Variants in ARHGAP26 observed in about 807,000 individuals in gnomAD.
The protein encoded by ARHGAP26 is rho GTPase-activating protein 26.
A neutral mutation model predicts 104.8 loss-of-function variants in ARHGAP26; 38 were observed. The ratio of observed to expected loss-of-function variants is 0.36; its 90% CI spans 0.28 to 0.48. The LOEUF is 0.48. Ranked by LOEUF, ARHGAP26 falls within the 20% of genes least tolerant of loss-of-function variation. The pLI is 0.99. For missense variants in ARHGAP26, 704 were observed against 947.9 expected, an observed-to-expected ratio of 0.74 and a Z score of 3.38; for synonymous variants, 341 against 340.0, an observed-to-expected ratio of 1.00 and a Z score of -0.03.
chr5:143,116,647 C>G (rs1374703685), intron 17 of ARHGAP26, among the ~76,000 whole-genome samples: 2 of 152,186 alleles, frequency 1.3e-5, no homozygotes, highest in Admixed American at 1.3e-4. Flanking sequence ...ATAATGCTCC[C>G]TCTGCCACCA....
chr5:142,898,197 T>C (rs1052207519), intron 6 of ARHGAP26, among the ~76,000 whole-genome samples: 5 of 151,632 alleles, frequency 3.3e-5, no homozygotes, highest in African/African-American at 7.3e-5. Context: ...CACACATATA[T>C]ACACACACAT....
At chr5:142,891,217 G>A (rs140810210) in intron 5 of ARHGAP26, among the ~76,000 whole-genome samples, 19 of 152,104 alleles carry the variant, frequency 1.2e-4, no homozygotes, top group Admixed American at 1.1e-3. Context: ...CACGATGCAG[G>A]GGGTGGTGGT....
Position 143,201,255 on chromosome 5 carries a change from C to G in ARHGAP26, c.1989-5943C>G, listed in dbSNP as rs116434891. Among the ~76,000 whole-genome samples the G allele has an allele frequency of 5.0e-3, 754 of 152,218 alleles. 3 individuals are homozygous for G. Among genetic ancestry groups the G allele is most frequent in the African/African-American group, 0.018 (727 of 41,542 alleles). On this transcript the variant is annotated intron_variant, in intron 20 of 22. Coordinates refer to ENST00000645722, the MANE Select transcript of ARHGAP26 (RefSeq NM_001135608.3). ...CCTAGATGTGGGGGCCTGGCAGGAC[C>G]CCAGGAATATTTAGGGGCACTGGGC...
intron 1 of ARHGAP26, among the ~76,000 whole-genome samples, chr5:142,832,938 A>G (rs1768787465): frequency 6.6e-6 from 1 of 152,106 alleles, no homozygotes; most frequent in Non-Finnish European, 1.5e-5. Flanking sequence ...ATTTTTTTTG[A>G]TTATAAAAGA....
Position 143,103,928 on chromosome 5 carries a change from T to TA in ARHGAP26, c.1539-17057dup, listed in dbSNP as rs1312779582. On this transcript the variant is annotated intron_variant, in intron 17 of 22. Transcript: ENST00000645722. The stretch of plus-strand genomic sequence containing the variant: ...CATTCTGCACGTGTATCCCAGAACT[T>TA]AAAGTATAATAAAAATATATATATA... 2.6e-5 allele frequency among the ~76,000 whole-genome samples: 4 copies of TA among 151,682 alleles called. No homozygotes were observed. In the South Asian group the frequency reaches 6.2e-4, roughly 24 times the overall value.
At chr5:143,177,903 C>T (rs973038626) in intron 20 of ARHGAP26, among the ~76,000 whole-genome samples, 1 of 149,728 alleles carries the variant, frequency 6.7e-6, no homozygotes, top group Non-Finnish European at 1.5e-5. Flanking sequence ...GAGTGCAGGG[C>T]AACTACTATC....
At chr5:143,208,342 T>C (rs926087873) in intron 21 of ARHGAP26, among the ~76,000 whole-genome samples, 1 of 152,206 alleles carries the variant, frequency 6.6e-6, no homozygotes, top group South Asian at 2.1e-4. Context: ...CAGAAGCGTT[T>C]TGGGCTTTGG....
chr5:142,936,759 C>A (rs1173562829), intron 11 of ARHGAP26, among the ~76,000 whole-genome samples: 1 of 149,944 alleles, frequency 6.7e-6, no homozygotes, highest in African/African-American at 2.5e-5. Context: ...GGTGCAAAAG[C>A]AGTTCAATGG....
intron 11 of ARHGAP26, among the ~76,000 whole-genome samples, chr5:142,958,592 A>C (rs1463853497): frequency 6.6e-6 from 1 of 152,192 alleles, no homozygotes; most frequent in Admixed American, 6.5e-5. Context: ...GCTTGAGCCC[A>C]GGAGGTTGAG....
At chr5:142,783,355 A>C (rs1364218696) in intron 1 of ARHGAP26, among the ~76,000 whole-genome samples, 2 of 152,118 alleles carry the variant, frequency 1.3e-5, no homozygotes, top group Non-Finnish European at 2.9e-5. Flanking sequence ...GATGTGGGGG[A>C]GCTCCTGAAA....
At chr5:142,799,079 A>T (rs1446084094) in intron 1 of ARHGAP26, among the ~76,000 whole-genome samples, 1 of 152,178 alleles carries the variant, frequency 6.6e-6, no homozygotes, top group Non-Finnish European at 1.5e-5. Flanking sequence ...CCTAACAGAC[A>T]TCGCTAATTT....
chr5:143,041,489 T>C (rs1178901264), intron 13 of ARHGAP26: 2 of 199,140 alleles, frequency 1.0e-5, no homozygotes, highest in African/African-American at 2.3e-5. Context: ...TGGTTAAATA[T>C]GACATATTTA....
At chr5:142,773,724 T>A (rs543219381) in intron 1 of ARHGAP26, among the ~76,000 whole-genome samples, 121 of 152,348 alleles carry the variant, frequency 7.9e-4, no homozygotes, top group Non-Finnish European at 1.3e-3. Context: ...TGGCTGAATA[T>A]GTCTTGGCTT....
At chr5:143,201,800 G>A (rs892049981) in intron 20 of ARHGAP26, among the ~76,000 whole-genome samples, 1 of 152,190 alleles carries the variant, frequency 6.6e-6, no homozygotes, top group Non-Finnish European at 1.5e-5. Flanking sequence ...CATCTTTGCA[G>A]TACATAAAAT....
chr5:142,923,857 CTTTTTTTTTTTTT>C (rs11389284), intron 10 of ARHGAP26, among the ~76,000 whole-genome samples: 1 of 105,882 alleles, frequency 9.4e-6, no homozygotes, highest in South Asian at 3.8e-4. Context: ...GGATCAGATC[CTTTTTTTTTTTTT>C]TTTTTTTTTG....
At chr5:142,778,332 C>G (rs1756768773) in intron 1 of ARHGAP26, among the ~76,000 whole-genome samples, 1 of 152,184 alleles carries the variant, frequency 6.6e-6, no homozygotes, top group African/African-American at 2.4e-5. Context: ...TGAATACATT[C>G]TCATGCAAGC....
chr5:143,051,604 C>G (rs996290024), intron 14 of ARHGAP26, among the ~76,000 whole-genome samples: 5 of 152,134 alleles, frequency 3.3e-5, no homozygotes, highest in African/African-American at 1.2e-4. Flanking sequence ...AATGGTGTAG[C>G]TTGGGAGGCT....
intron 17 of ARHGAP26, among the ~76,000 whole-genome samples, chr5:143,073,586 C>G (rs1410548505): frequency 6.6e-6 from 1 of 152,178 alleles, no homozygotes; most frequent in Non-Finnish European, 1.5e-5. Flanking sequence ...GGTTCTAATC[C>G]TGGTTTTTAC....
intron 12 of ARHGAP26, among the ~76,000 whole-genome samples, chr5:143,027,111 T>C (rs1018529260): frequency 3.3e-5 from 5 of 152,048 alleles, no homozygotes; most frequent in Admixed American, 6.5e-5. Flanking sequence ...TAGTGCATGT[T>C]TGGGGACACA....
Sources: allele counts gnomAD v4.1 joint callset (sites outside exome capture counted in the v4.1 genomes callset), GRCh38; gene constraint gnomAD v4.1.1; transcripts MANE v1.5; gene names NCBI Gene and HGNC (gene_info 2026-07-23, HGNC 2026-07-21).